Variants in LHFPL6 observed in about 807,000 individuals in gnomAD.
The protein encoded by LHFPL6 is LHFPL tetraspan subfamily member 6, also known as LHFPL tetraspan subfamily member 6 protein.
In LHFPL6, 9 loss-of-function variants were observed where a neutral mutation model predicts 20.6. The observed-to-expected ratio is 0.44, with a 90% CI of 0.26 to 0.76. The LOEUF (loss-of-function observed/expected upper bound fraction) is 0.76. Among genes scored for constraint, LHFPL6 ranks in the 30% least tolerant of loss-of-function variants. The pLI, the probability that LHFPL6 is intolerant of heterozygous loss-of-function variation, is 0.20. For missense variants in LHFPL6, 218 were observed against 253.5 expected (o/e 0.86, Z 0.95); for synonymous variants, 105 against 98.7 (o/e 1.06, Z -0.38).
intron 2 of LHFPL6, among the ~76,000 whole-genome samples, chr13:39,432,851 T>A (rs1248844059): frequency 2.6e-5 from 4 of 152,232 alleles, no homozygotes; most frequent in Admixed American, 6.5e-5. Flanking sequence ...ATTGAATCAA[T>A]TAATCAGTCA....
chr13:39,386,043 T>C (rs567879858), intron 2 of LHFPL6, among the ~76,000 whole-genome samples: 5 of 152,348 alleles, frequency 3.3e-5, no homozygotes, highest in African/African-American at 1.2e-4. Context: ...TGGATACTTT[T>C]ATCCATCCTC....
At chr13:39,387,771 T>C (rs769886167) in intron 2 of LHFPL6, among the ~76,000 whole-genome samples, 3 of 151,920 alleles carry the variant, frequency 2.0e-5, no homozygotes, top group Non-Finnish European at 2.9e-5. Context: ...TTACTTTCCA[T>C]AGCCACACAC....
intron 2 of LHFPL6, among the ~76,000 whole-genome samples, chr13:39,497,498 C>T (rs1031416099): frequency 2.0e-5 from 3 of 152,180 alleles, no homozygotes; most frequent in African/African-American, 4.8e-5. Context: ...GAAGAAGATG[C>T]CACTCCTTAG....
At chr13:39,364,198 G>A (rs1296130452) in intron 3 of LHFPL6, among the ~76,000 whole-genome samples, 1 of 151,958 alleles carries the variant, frequency 6.6e-6, no homozygotes, top group Non-Finnish European at 1.5e-5. Context: ...AGTAGAGATG[G>A]GCCAATCAGA....
chr13:39,552,525 A>G (rs992803213), intron 2 of LHFPL6, among the ~76,000 whole-genome samples: 3 of 152,172 alleles, frequency 2.0e-5, no homozygotes, highest in Non-Finnish European at 2.9e-5. Flanking sequence ...CCAAGTGTCT[A>G]TTTTACATAA....
At chr13:39,492,389 G>A (rs577528746) in intron 2 of LHFPL6, among the ~76,000 whole-genome samples, 24 of 152,190 alleles carry the variant, frequency 1.6e-4, no homozygotes, top group African/African-American at 4.8e-4. Context: ...GAATTTATAC[G>A]AATGCTGGAA....
At chr13:39,574,268 G>A (rs1219924039) in intron 2 of LHFPL6, among the ~76,000 whole-genome samples, 1 of 151,940 alleles carries the variant, frequency 6.6e-6, no homozygotes, top group Non-Finnish European at 1.5e-5. Context: ...GGATCACAAG[G>A]TCAGGAGAAC....
chr13:39,353,363 G>A (rs930379361), intron 3 of LHFPL6, among the ~76,000 whole-genome samples: 1 of 152,096 alleles, frequency 6.6e-6, no homozygotes, highest in Admixed American at 6.5e-5. Context: ...CCCAAACTTG[G>A]TTGGTGGGCA....
intron 3 of LHFPL6, among the ~76,000 whole-genome samples, chr13:39,352,219 T>A (rs138102842): frequency 6.6e-6 from 1 of 152,334 alleles, no homozygotes; most frequent in African/African-American, 2.4e-5. Context: ...CAGGAGAAAC[T>A]GCCTCTAGAT....
chr13:39,528,574 A>G (rs1318041879), intron 2 of LHFPL6, among the ~76,000 whole-genome samples: 2 of 152,220 alleles, frequency 1.3e-5, no homozygotes, highest in Admixed American at 6.5e-5. Flanking sequence ...CCATAGTGCC[A>G]CTTTTACAAA....
At chr13:39,427,404 A>G (rs984612574) in intron 2 of LHFPL6, among the ~76,000 whole-genome samples, 2 of 152,216 alleles carry the variant, frequency 1.3e-5, no homozygotes, top group African/African-American at 4.8e-5. Context: ...CATGTTAACT[A>G]TAGGTTTTTC....
chr13:39,501,147 T>A (rs4941929), intron 2 of LHFPL6, among the ~76,000 whole-genome samples: 148,007 of 152,238 alleles, frequency 0.97, 72,077 homozygotes, highest in East Asian at 1. Context: ...GTGCCCGATC[T>A]GTTCTGTTAT....
intron 2 of LHFPL6, among the ~76,000 whole-genome samples, chr13:39,511,752 C>A (rs893188233): frequency 1.3e-5 from 2 of 152,142 alleles, no homozygotes; most frequent in Non-Finnish European, 2.9e-5. Context: ...GAAAAGATAC[C>A]TGCTATGTAT....
At chr13:39,438,635 T>C (rs1872027132) in intron 2 of LHFPL6, among the ~76,000 whole-genome samples, 1 of 152,208 alleles carries the variant, frequency 6.6e-6, no homozygotes, top group South Asian at 2.1e-4. Context: ...AATGGTTTGT[T>C]GGGCTAGGCC....
chr13:39,372,459 T>A (rs1870188491), intron 3 of LHFPL6, among the ~76,000 whole-genome samples: 1 of 152,246 alleles, frequency 6.6e-6, no homozygotes, highest in Non-Finnish European at 1.5e-5. Context: ...GAAAGAATTA[T>A]GCAGCCTGTC....
At chr13:39,525,866 C>CTTT (rs11432667) in intron 2 of LHFPL6, among the ~76,000 whole-genome samples, 1 of 149,364 alleles carries the variant, frequency 6.7e-6, no homozygotes, top group Admixed American at 6.7e-5. Flanking sequence ...ATAATTTTTC[C>CTTT]TTTTTTTTTT....
At chr13:39,440,402 G>A (rs7333061) in intron 2 of LHFPL6, among the ~76,000 whole-genome samples, 101,214 of 152,052 alleles carry the variant, frequency 0.67, 35,767 homozygotes, top group Non-Finnish European at 0.78. Context: ...GCCAAGATGG[G>A]AGGACTGCTT....
intron 2 of LHFPL6, among the ~76,000 whole-genome samples, chr13:39,588,275 C>T (rs1174183917): frequency 1.3e-5 from 2 of 152,140 alleles, no homozygotes; most frequent in Non-Finnish European, 2.9e-5. Flanking sequence ...ACAGCAGGAA[C>T]CCAATTTTTA....
intron 2 of LHFPL6, among the ~76,000 whole-genome samples, chr13:39,575,448 A>G (rs1276641266): frequency 6.6e-6 from 1 of 152,240 alleles, no homozygotes; most frequent in Non-Finnish European, 1.5e-5. Flanking sequence ...AACTAGTATC[A>G]TGAAAATCCA....
Sources: allele counts gnomAD v4.1 joint callset (sites outside exome capture counted in the v4.1 genomes callset), GRCh38; gene constraint gnomAD v4.1.1; transcripts MANE v1.5; gene names NCBI Gene and HGNC (gene_info 2026-07-23, HGNC 2026-07-21).